ZC3H14: variants seen among roughly 807,000 people sequenced by gnomAD.
The protein encoded by ZC3H14 is zinc finger CCCH-type containing 14, also known as zinc finger CCCH domain-containing protein 14.
A neutral mutation model predicts 92.4 loss-of-function variants in ZC3H14; 31 were observed. That is an observed-to-expected ratio of 0.34 (90% confidence interval 0.25 to 0.45). The LOEUF is 0.45. ZC3H14 is among the 20% of genes least tolerant of loss of function. The pLI is 1.00. For synonymous variants in ZC3H14, 321 were observed against 300.9 expected (o/e 1.07, Z -0.69); for missense variants, 781 against 897.3 (o/e 0.87, Z 1.66).
chr14:88,609,147 C>G, intron 13 of ZC3H14, 120 bp from the exon 14 acceptor site: 1 of 1,178,264 alleles, frequency 8.5e-7, no homozygotes, highest in Non-Finnish European at 1.2e-6. Flanking sequence ...CTTTTTGTTG[C>G]TGTTTTTTTT....
rs1337000217 is a variant in ZC3H14 at position 88,620,017 on chromosome 14, G to A, written c.*8266G>A. 6.6e-5 allele frequency: 10 copies of A among 152,192 alleles called. No individual in the cohort carries two copies. The allele number at this position is 152,192 out of a possible 1,614,324, so 9.4% of individuals were successfully genotyped here. ...AAATGCTATTTGCCTAGCAATCTTT[G>A]GAGTCATATGGGACAATTCAGTCTC... On this transcript the variant is annotated 3_prime_UTR_variant, in exon 17 of 17. Transcript: ENST00000251038. This position sits in a 1 kb window ranked among gnomAD's most constrained non-coding sequence, Gnocchi z 4.3.
At position 88,613,022 on chromosome 14, in the gene ZC3H14, CAAATGATGAT is replaced by C. The variant is rs2087034338; in HGVS notation, c.*1275_*1284del. On this transcript the variant is annotated 3_prime_UTR_variant, in exon 17 of 17. Coordinates refer to ENST00000251038, the MANE Select transcript of ZC3H14 (RefSeq NM_024824.5). ...TCATTGACTTGCTTAGTCGTATACT[CAAATGATGAT>C]AAACCTACATGTGCAAAGGCTCACG... 1 of 152,180 alleles carries C rather than the reference CAAATGATGAT, an allele frequency of 6.6e-6. No individual in the cohort carries two copies. The highest frequency in any genetic ancestry group is 1.5e-5 in the Non-Finnish European group (1 of 67,980). 9.4% of individuals were successfully genotyped at this position (152,180 alleles called of 1,614,324 possible). A position where few individuals can be genotyped will look rare whatever the true frequency, so the allele number is the denominator to read the frequency against.
chr14:88,583,895 G>C (rs1455271309), intron 9 of ZC3H14, among the ~76,000 whole-genome samples: 1 of 152,130 alleles, frequency 6.6e-6, no homozygotes, highest in Non-Finnish European at 1.5e-5. Context: ...ACTTGAGAAA[G>C]GGTGTTGAAA....
chr14:88,585,521 C>T (rs553110832), intron 9 of ZC3H14, among the ~76,000 whole-genome samples: 21 of 151,836 alleles, frequency 1.4e-4, no homozygotes, highest in Admixed American at 3.9e-4. Context: ...GGATTATAGA[C>T]GCCCACCACT....
chr14:88,611,422 G>A (rs769818173), intron 16 of ZC3H14, among the ~76,000 whole-genome samples: 4 of 152,030 alleles, frequency 2.6e-5, no homozygotes, highest in East Asian at 1.9e-4. Context: ...TATATACTAC[G>A]CAAACATATA....
chr14:88,565,871 CT>C (rs1467881313), intron 2 of ZC3H14, among the ~76,000 whole-genome samples: 1 of 151,354 alleles, frequency 6.6e-6, no homozygotes, highest in Non-Finnish European at 1.5e-5. Context: ...GTAAATTTTT[CT>C]TTTTCTTTTT....
intron 9 of ZC3H14, among the ~76,000 whole-genome samples, chr14:88,579,820 G>A (rs938360412): frequency 1.3e-5 from 2 of 152,158 alleles, no homozygotes; most frequent in African/African-American, 2.4e-5. Flanking sequence ...TTCAATGAAA[G>A]CATGCTGAAA....
intron 9 of ZC3H14, among the ~76,000 whole-genome samples, chr14:88,581,160 T>C (rs2081863611): frequency 6.6e-6 from 1 of 152,170 alleles, no homozygotes; most frequent in African/African-American, 2.4e-5. Context: ...TATAAATACA[T>C]TTTTTTCTAG....
At position 88,623,717 on chromosome 14, in the gene ZC3H14, C is replaced by T. The variant is rs532794187; in HGVS notation, c.*11966C>T. 2.0e-5 allele frequency: 3 copies of T among 152,328 alleles called. No homozygotes were observed. Among genetic ancestry groups the T allele is most frequent in the South Asian group, 4.1e-4 (2 of 4,830 alleles). The allele number at this position is 152,328 out of a possible 1,614,324, so 9.4% of individuals were successfully genotyped here. On this transcript the variant is annotated 3_prime_UTR_variant, in exon 17 of 17. Transcript: ENST00000251038. Reference sequence around the variant, plus strand: ...GTGAGCCACTGCAACTGGCCCAGAGCTTATTTTTGAAGGCCAAAACAGAAG... The same window carrying T: ...GTGAGCCACTGCAACTGGCCCAGAGTTTATTTTTGAAGGCCAAAACAGAAG...
At chr14:88,607,619 A>C in intron 13 of ZC3H14, among the ~76,000 whole-genome samples, 1 of 116,976 alleles carries the variant, frequency 8.5e-6, no homozygotes, top group African/African-American at 3.5e-5. Context: ...CTACCATCCC[A>C]TCTCACCCTG....
intron 1 of ZC3H14, 124 bp from the exon 2 acceptor site, chr14:88,563,527 C>G: frequency 1.3e-6 from 2 of 1,577,508 alleles, no homozygotes; most frequent in Non-Finnish European, 1.7e-6. Flanking sequence ...CGAGGCTCCT[C>G]CCAGCCCCCG....
chr14:88,611,886 C>G lies in ZC3H14; in HGVS notation c.*135C>G. The G allele has an allele frequency of 2.5e-6, 3 of 1,213,988 alleles. No individual in the cohort carries two copies. Among genetic ancestry groups the G allele is most frequent in the Non-Finnish European group, 3.5e-6 (3 of 850,366 alleles). 75.2% of individuals were successfully genotyped at this position (1,213,988 alleles called of 1,614,324 possible). Reference sequence around the variant, plus strand: ...CATAATATGAAGTTTTATTGCCTATCTATCTGAAGTGTCTAATTTTTCAAG... The same window carrying G: ...CATAATATGAAGTTTTATTGCCTATGTATCTGAAGTGTCTAATTTTTCAAG... On this transcript the variant is annotated 3_prime_UTR_variant, in exon 17 of 17. Coordinates refer to ENST00000251038, the MANE Select transcript of ZC3H14 (RefSeq NM_024824.5).
rs1032613685 is a variant in ZC3H14, at chr14:88,624,834, T to G, written c.*13083T>G. On this transcript the variant is annotated 3_prime_UTR_variant, in exon 17 of 17. Transcript: ENST00000251038. ...AATCAAATAGAAGGCACATAAAAGG[T>G]AATAAAGGAGAAGCATATGAGGAGG... 1 of 927,530 alleles carries G rather than the reference T, an allele frequency of 1.1e-6. No homozygotes were observed. The highest frequency in any genetic ancestry group is 3.1e-5 in the Admixed American group (1 of 32,134). The allele number at this position is 927,530 out of a possible 1,614,324, so 57.5% of individuals were successfully genotyped here. A position where few individuals can be genotyped will look rare whatever the true frequency, so the allele number is the denominator to read the frequency against.
intron 8 of ZC3H14, among the ~76,000 whole-genome samples, chr14:88,576,558 A>G (rs541205563): frequency 7.9e-5 from 12 of 152,352 alleles, no homozygotes; most frequent in African/African-American, 2.9e-4. Flanking sequence ...AAATGCAAAC[A>G]ACTGATGGGT....
Position 88,614,920 on chromosome 14 carries a change from G to A in ZC3H14, c.*3169G>A, listed in dbSNP as rs879699254. On this transcript the variant is annotated 3_prime_UTR_variant, in exon 17 of 17. Transcript: ENST00000251038. ...AAGAGTGATTAAATTGTATAATGTTGTATATGTGAATTTAACACTTTTGTT... is the reference window on the plus strand; with the variant it reads ...AAGAGTGATTAAATTGTATAATGTTATATATGTGAATTTAACACTTTTGTT... The A allele has an allele frequency of 2.0e-5, 3 of 152,118 alleles. No individual in the cohort carries two copies. Among genetic ancestry groups the A allele is most frequent in the Admixed American group, 2.0e-4 (3 of 15,274 alleles). 9.4% of individuals were successfully genotyped at this position (152,118 alleles called of 1,614,324 possible). A position where few individuals can be genotyped will look rare whatever the true frequency, so the allele number is the denominator to read the frequency against.
intron 10 of ZC3H14, 82 bp downstream of exon 10, chr14:88,596,890 G>A (rs1290613925): frequency 2.4e-5 from 28 of 1,144,916 alleles, no homozygotes; most frequent in Admixed American, 5.1e-5. Context: ...AACGTATCTC[G>A]GATCTCTTAG....
At chr14:88,578,781 G>GTTTTTTTT (rs35101368) in intron 9 of ZC3H14, among the ~76,000 whole-genome samples, 31 of 76,856 alleles carry the variant, frequency 4.0e-4, no homozygotes, top group South Asian at 1.2e-3. Flanking sequence ...TTGCTTCCAG[G>GTTTTTTTT]TTTTTTTTTT....
chr14:88,613,196 G>C lies in ZC3H14; in HGVS notation c.*1445G>C, dbSNP rs1255067532. On this transcript the variant is annotated 3_prime_UTR_variant, in exon 17 of 17. Coordinates refer to ENST00000251038, the MANE Select transcript of ZC3H14 (RefSeq NM_024824.5). ...ATCCCACAGGAAAGGCTTGAAACAC[G>C]AGAAGCAGCAAAGACAGAGCACACA... is the stretch of plus-strand genomic sequence containing the variant. 1 of 152,128 alleles carries C rather than the reference G, an allele frequency of 6.6e-6. No homozygotes were observed. 9.4% of individuals were successfully genotyped at this position (152,128 alleles called of 1,614,324 possible).
rs768339422 is a variant in ZC3H14 at position 88,572,171 on chromosome 14, AAAG to A, written c.379_381del (p.Arg127del). 2.2e-5 allele frequency: 35 copies of A among 1,614,166 alleles called. No homozygotes were observed. In the Admixed American group the frequency reaches 5.5e-4, roughly 25 times the overall value. ...GCCATTCCTAGCGCGAGACCTGAAA[AAAG>A]AGATTCCAGAGTTTCTACAAGTTCG... On this transcript the variant is annotated inframe_deletion, in exon 5 of 17. Transcript: ENST00000251038.
Sources: allele counts gnomAD v4.1 joint callset (sites outside exome capture counted in the v4.1 genomes callset), GRCh38; gene constraint gnomAD v4.1.1; non-coding constraint Gnocchi (gnomAD v3.1); transcripts MANE v1.5; gene names NCBI Gene and HGNC (gene_info 2026-07-23, HGNC 2026-07-21).